The following SORBS2 variants were observed in gnomAD, a reference collection of about 807,000 sequenced individuals.
SORBS2 encodes sorbin and SH3 domain containing 2, also known as sorbin and SH3 domain-containing protein 2.
A neutral mutation model predicts 97.7 loss-of-function variants in SORBS2; 46 were observed. The observed-to-expected ratio is 0.47, with a 90% CI of 0.37 to 0.60. The LOEUF is 0.60. SORBS2 is among the 20% of genes least tolerant of loss of function. SORBS2 has a pLI of 0.00. For missense variants in SORBS2, 1,316 were observed against 1,282.3 expected (o/e 1.03, Z -0.40); for synonymous variants, 476 against 473.4 (o/e 1.01, Z -0.07).
At chr4:185,815,254 A>G (rs1047932790) in intron 1 of SORBS2, among the ~76,000 whole-genome samples, 3 of 152,206 alleles carry the variant, frequency 2.0e-5, no homozygotes, top group Middle Eastern at 3.4e-3. Flanking sequence ...CTCTTCTGTA[A>G]ATTTTCTGTT....
intron 1 of SORBS2, among the ~76,000 whole-genome samples, chr4:185,898,881 C>T (rs533005272): frequency 1.3e-5 from 2 of 152,220 alleles, no homozygotes; most frequent in South Asian, 2.1e-4. Flanking sequence ...ATAACCCACA[C>T]GATATTGTGG....
At chr4:185,803,205 C>G (rs994292342) in intron 1 of SORBS2, among the ~76,000 whole-genome samples, 10 of 152,124 alleles carry the variant, frequency 6.6e-5, no homozygotes, top group Non-Finnish European at 1.3e-4. Context: ...AATACCATGA[C>G]TGAGGAGCCT....
At chr4:185,603,425 G>A (rs1462870276) in intron 12 of SORBS2, among the ~76,000 whole-genome samples, 1 of 152,198 alleles carries the variant, frequency 6.6e-6, no homozygotes, top group African/African-American at 2.4e-5. Context: ...CAATTAAAGT[G>A]TTTCATTTTT....
At chr4:185,594,624 T>A (rs146750401) in intron 12 of SORBS2, among the ~76,000 whole-genome samples, 236 of 152,352 alleles carry the variant, frequency 1.5e-3, no homozygotes, top group African/African-American at 5.4e-3. Flanking sequence ...GAGTTTCTTT[T>A]CTTTTTAAAC....
At chr4:185,847,456 G>C (rs574912273) in intron 1 of SORBS2, among the ~76,000 whole-genome samples, 2 of 152,076 alleles carry the variant, frequency 1.3e-5, no homozygotes, top group East Asian at 3.9e-4. Flanking sequence ...GAACACATGC[G>C]TCAATGGTGA....
At chr4:185,626,926 C>A in exon 6 of SORBS2, 2 of 1,614,202 alleles carry the variant, frequency 1.2e-6, no homozygotes, top group Non-Finnish European at 1.7e-6. Flanking sequence ...CTGGGCTAGT[C>A]CTGCTCGCAC....
intron 4 of SORBS2, among the ~76,000 whole-genome samples, chr4:185,676,778 G>A (rs1254861516): frequency 1.3e-5 from 2 of 152,094 alleles, no homozygotes; most frequent in African/African-American, 4.8e-5. Context: ...CATGATTTCT[G>A]GATGAAAGAT....
At chr4:185,618,843 A>C (rs924858027) in intron 8 of SORBS2, among the ~76,000 whole-genome samples, 1 of 152,212 alleles carries the variant, frequency 6.6e-6, no homozygotes, top group African/African-American at 2.4e-5. Context: ...ATTCACCATC[A>C]TATTTAATCT....
chr4:185,666,565 A>G (rs544687905), intron 4 of SORBS2, among the ~76,000 whole-genome samples: 1 of 152,312 alleles, frequency 6.6e-6, no homozygotes, highest in African/African-American at 2.4e-5. Flanking sequence ...TTTGTCCTTC[A>G]CTAGAAAAAT....
At chr4:185,647,471 G>T (rs1030383316) in intron 3 of SORBS2, among the ~76,000 whole-genome samples, 13 of 147,350 alleles carry the variant, frequency 8.8e-5, no homozygotes, top group African/African-American at 3.3e-4. Flanking sequence ...GGAGTGCAGT[G>T]GTGTGATCAC....
chr4:185,779,390 T>G (rs1468697571), intron 1 of SORBS2, among the ~76,000 whole-genome samples: 12 of 152,254 alleles, frequency 7.9e-5, no homozygotes, highest in Non-Finnish European at 5.9e-5. Context: ...TTTGTAAATT[T>G]TATATGAATG....
chr4:185,908,937 A>C (rs2099253263), intron 1 of SORBS2, among the ~76,000 whole-genome samples: 1 of 151,452 alleles, frequency 6.6e-6, no homozygotes, highest in South Asian at 2.1e-4. Context: ...TATAAAAATA[A>C]ATTTTGTATA....
chr4:185,652,664 G>C, exon 2 of SORBS2: 1 of 1,613,446 alleles, frequency 6.2e-7, no homozygotes, highest in Non-Finnish European at 8.5e-7. Flanking sequence ...AGACATACCC[G>C]GCTTGTGCAC....
Position 185,721,229 on chromosome 4 carries a change from C to T in SORBS2, c.-197-42407G>A, listed in dbSNP as rs575411029. On this transcript the variant is annotated intron_variant, in intron 2 of 20. Transcript: ENST00000284776. ...AGTTGGGATTATAGGTGCCTGCCAC[C>T]ACGCCCAGATAATTTTTGTATTTTT... 5.3e-5 allele frequency among the ~76,000 whole-genome samples: 8 copies of T among 151,970 alleles called. No homozygotes were observed. The South Asian group carries it at 1.7e-3, about 32-fold the overall frequency.
chr4:185,820,157 A>G (rs2099195858), intron 1 of SORBS2, among the ~76,000 whole-genome samples: 1 of 152,196 alleles, frequency 6.6e-6, no homozygotes, highest in Admixed American at 6.5e-5. Flanking sequence ...AGCGTCAAAA[A>G]GCAACACAAA....
intron 4 of SORBS2, among the ~76,000 whole-genome samples, chr4:185,640,422 G>GTT (rs2097107383): frequency 6.6e-6 from 1 of 152,010 alleles, no homozygotes; most frequent in Non-Finnish European, 1.5e-5. Context: ...CTTTATTGTT[G>GTT]TAATGTTATT....
At chr4:185,824,951 G>A (rs528553243) in intron 1 of SORBS2, among the ~76,000 whole-genome samples, 3 of 152,282 alleles carry the variant, frequency 2.0e-5, no homozygotes, top group African/African-American at 7.2e-5. Context: ...AGATTGATCA[G>A]GGGGCTTCCA....
At chr4:185,704,918 A>G (rs2098321750) in intron 2 of SORBS2, among the ~76,000 whole-genome samples, 1 of 152,240 alleles carries the variant, frequency 6.6e-6, no homozygotes, top group Non-Finnish European at 1.5e-5. Context: ...CATGCGGTGC[A>G]GGAGTTATAC....
intron 1 of SORBS2, among the ~76,000 whole-genome samples, chr4:185,888,847 C>A (rs945091015): frequency 6.6e-6 from 1 of 152,216 alleles, no homozygotes; most frequent in Non-Finnish European, 1.5e-5. Context: ...CATCTGAAAA[C>A]CCTCTCATGA....
Sources: gnomAD v4.1 joint callset for allele counts (sites outside exome capture counted in the v4.1 genomes callset) on GRCh38, gnomAD v4.1.1 for gene constraint, MANE v1.5 for transcripts, NCBI Gene and HGNC (gene_info 2026-07-23, HGNC 2026-07-21) for gene names.